The following ANO10 variants were observed in gnomAD, a reference collection of about 807,000 sequenced individuals.
ANO10 encodes anoctamin-10.
ANO10 carries 77 observed loss-of-function variants against 74.7 expected under a neutral mutation model. That is an observed-to-expected ratio of 1.03 (90% CI 0.86 to 1.25). The LOEUF is 1.25. Ranked by LOEUF, ANO10 falls within the 50% of genes most tolerant of loss-of-function variation. ANO10 has a pLI of 0.00. For missense variants in ANO10, 721 were observed against 778.1 expected (o/e 0.93, Z 0.87); for synonymous variants, 279 against 284.9 (o/e 0.98, Z 0.21).
At chr3:43,373,331 A>G (rs2091684795) in intron 12 of ANO10, among the ~76,000 whole-genome samples, 1 of 152,148 alleles carries the variant, frequency 6.6e-6, no homozygotes, top group Non-Finnish European at 1.5e-5. Flanking sequence ...GCACGGTGCC[A>G]AATTATCAGC....
intron 1 of ANO10, among the ~76,000 whole-genome samples, chr3:43,641,671 AG>A (rs2083671788): frequency 6.6e-6 from 1 of 152,236 alleles, no homozygotes; most frequent in South Asian, 2.1e-4. Context: ...AAAGGATTTA[AG>A]TCACTTTAAG....
At chr3:43,405,916 G>GA (rs1187867206) in intron 12 of ANO10, among the ~76,000 whole-genome samples, 1 of 152,044 alleles carries the variant, frequency 6.6e-6, no homozygotes, top group East Asian at 1.9e-4. Context: ...AACCTGAAAA[G>GA]AAAAACAATT....
intron 11 of ANO10, among the ~76,000 whole-genome samples, chr3:43,538,530 T>C (rs1182532359): frequency 2.0e-5 from 3 of 152,168 alleles, no homozygotes; most frequent in Non-Finnish European, 2.9e-5. Flanking sequence ...ACAATTACTA[T>C]GGCAGCTTTG....
chr3:43,546,194 T>C (rs369701879), intron 11 of ANO10, among the ~76,000 whole-genome samples: 1 of 152,184 alleles, frequency 6.6e-6, no homozygotes, highest in East Asian at 1.9e-4. Flanking sequence ...TGTGCCAATA[T>C]AATCCAACTT....
intron 11 of ANO10, among the ~76,000 whole-genome samples, chr3:43,488,391 A>C (rs993912708): frequency 3.4e-5 from 5 of 149,152 alleles, no homozygotes; most frequent in South Asian, 2.1e-4. Context: ...CAACCTACAA[A>C]ATGGGAGAAA....
chr3:43,526,603 T>G (rs2078208412), intron 11 of ANO10, among the ~76,000 whole-genome samples: 1 of 152,162 alleles, frequency 6.6e-6, no homozygotes, highest in Non-Finnish European at 1.5e-5. Context: ...AAGTGGTTAT[T>G]TTGGGTTGGT....
intron 11 of ANO10, among the ~76,000 whole-genome samples, chr3:43,525,106 C>G (rs970765481): frequency 6.6e-6 from 1 of 152,226 alleles, no homozygotes; most frequent in African/African-American, 2.4e-5. Flanking sequence ...ACTCTTACCC[C>G]CCACCGACCA....
chr3:43,480,907 A>G (rs1420105711), intron 11 of ANO10, among the ~76,000 whole-genome samples: 1 of 152,052 alleles, frequency 6.6e-6, no homozygotes, highest in Non-Finnish European at 1.5e-5. Flanking sequence ...AAACATAATC[A>G]TGGCACACTA....
chr3:43,535,635 T>C (rs1027380250), intron 11 of ANO10, among the ~76,000 whole-genome samples: 15 of 152,300 alleles, frequency 9.8e-5, no homozygotes, highest in African/African-American at 3.4e-4. Context: ...GAGCTCCTTA[T>C]TTTACTGTGA....
At chr3:43,595,248 C>T (rs2082017680) in intron 4 of ANO10, among the ~76,000 whole-genome samples, 1 of 152,204 alleles carries the variant, frequency 6.6e-6, no homozygotes, top group Admixed American at 6.5e-5. Context: ...AGGGAATCCT[C>T]CCTAACTCAT....
At chr3:43,505,020 C>G (rs2077241005) in intron 11 of ANO10, among the ~76,000 whole-genome samples, 1 of 152,174 alleles carries the variant, frequency 6.6e-6, no homozygotes, top group African/African-American at 2.4e-5. Context: ...TGGTAAAAAT[C>G]TGAACAAAGT....
chr3:43,607,580 T>G (rs1575535678), intron 1 of ANO10, among the ~76,000 whole-genome samples: 1 of 152,126 alleles, frequency 6.6e-6, no homozygotes, highest in African/African-American at 2.4e-5. Context: ...GGCTACATTC[T>G]AAACATAATA....
In ANO10 at chr3:43,367,006, C is replaced by A. The variant is rs567669993; in HGVS notation, c.1915-32G>T. ...AGAGAAAACAGGACACCAGGTGAGCCACAGAAGCCTAAGTAGTGGCCGAGG... is the reference window on the plus strand; with the variant it reads ...AGAGAAAACAGGACACCAGGTGAGCAACAGAAGCCTAAGTAGTGGCCGAGG... On this transcript the variant is annotated intron_variant, in intron 12 of 12. Coordinates refer to ENST00000292246, the MANE Select transcript of ANO10 (RefSeq NM_018075.5). 2.9e-5 allele frequency: 45 copies of A among 1,574,814 alleles called. No individual in the cohort carries two copies. The South Asian group carries it at 4.5e-4, about 16-fold the overall frequency.
chr3:43,461,077 A>G lies in ANO10; in HGVS notation c.1798-28350T>C, dbSNP rs371079834. Among the ~76,000 whole-genome samples, 14 of 152,134 alleles carry G rather than the reference A, an allele frequency of 9.2e-5. No homozygotes were observed. In the East Asian group the frequency reaches 1.5e-3, roughly 17 times the overall value. Reference sequence around the variant, plus strand: ...GAAATCAATCGATAGAAGAAAATCAATAAGAACAAACGTTTTTTAAAAAGA... The same window carrying G: ...GAAATCAATCGATAGAAGAAAATCAGTAAGAACAAACGTTTTTTAAAAAGA... On this transcript the variant is annotated intron_variant, in intron 11 of 12. Transcript: ENST00000292246.
intron 11 of ANO10, among the ~76,000 whole-genome samples, chr3:43,470,106 TAAAC>T (rs568424475): frequency 3.3e-5 from 5 of 152,234 alleles, no homozygotes; most frequent in East Asian, 1.9e-4. Context: ...AATAAATTGA[TAAAC>T]AAACTGTTGC....
At chr3:43,387,392 T>TCCAGCAC in intron 12 of ANO10, among the ~76,000 whole-genome samples, 1 of 152,106 alleles carries the variant, frequency 6.6e-6, no homozygotes, top group African/African-American at 2.4e-5. Context: ...TCCAGCCTCA[T>TCCAGCAC]CTTGGGGTGC....
At chr3:43,691,389 C>T (rs867427999) in intron 1 of ANO10, 31 of 191,018 alleles carry the variant, frequency 1.6e-4, no homozygotes, top group Middle Eastern at 1.8e-3. Context: ...TCGGGCTCTG[C>T]CAAGGGACCC....
chr3:43,651,839 C>G (rs6772528), intron 1 of ANO10, among the ~76,000 whole-genome samples: 41 of 152,210 alleles, frequency 2.7e-4, no homozygotes, highest in Non-Finnish European at 4.1e-4. Flanking sequence ...AATTTAATAT[C>G]CGATTCAAAT....
intron 1 of ANO10, chr3:43,638,967 C>T (rs1324511004): frequency 6.6e-6 from 1 of 152,260 alleles, no homozygotes; most frequent in Non-Finnish European, 1.5e-5. Flanking sequence ...TTGACTCAGG[C>T]TGGAGGGTCT....
Sources: allele counts gnomAD v4.1 joint callset (sites outside exome capture counted in the v4.1 genomes callset), GRCh38; gene constraint gnomAD v4.1.1; transcripts MANE v1.5; gene names NCBI Gene and HGNC (gene_info 2026-07-23, HGNC 2026-07-21).